IPCEF1: variants seen among roughly 807,000 people sequenced by gnomAD.
The protein encoded by IPCEF1 is interactor protein for cytohesin exchange factors 1.
IPCEF1 carries 31 observed loss-of-function variants against 50.9 expected under a neutral mutation model. That is an observed-to-expected ratio of 0.61 (90% CI 0.46 to 0.82). The LOEUF is 0.82. Among genes scored for constraint, IPCEF1 ranks in the 40% least tolerant of loss-of-function variants. IPCEF1 has a pLI of 0.00. For missense variants in IPCEF1, 458 were observed against 514.0 expected (o/e 0.89, Z 1.05); for synonymous variants, 181 against 192.0 (o/e 0.94, Z 0.47).
chr6:154,180,410 A>T (rs1223387393), intron 10 of IPCEF1, among the ~76,000 whole-genome samples: 2,269 of 40,376 alleles, frequency 0.056, 33 homozygotes, highest in African/African-American at 0.15. Context: ...ATATATATAT[A>T]TATATTTTTT....
At chr6:154,261,529 C>A (rs1781601356) in intron 3 of IPCEF1, among the ~76,000 whole-genome samples, 1 of 152,164 alleles carries the variant, frequency 6.6e-6, no homozygotes, top group African/African-American at 2.4e-5. Flanking sequence ...ATTTAAGAGA[C>A]TGAACCGATA....
At position 154,336,355 on chromosome 6, in the gene IPCEF1, A is replaced by T. The variant is rs141722147; in HGVS notation, c.-62+20317T>A. On this transcript the variant is annotated intron_variant, in intron 1 of 11. Transcript: ENST00000367220. Reference sequence around the variant, plus strand: ...TTTGGCCATAAAAAAGAATGAAATCATGTCATTTGCAGCAATATGGATGGA... The same window carrying T: ...TTTGGCCATAAAAAAGAATGAAATCTTGTCATTTGCAGCAATATGGATGGA... 5.6e-3 allele frequency among the ~76,000 whole-genome samples: 854 copies of T among 152,328 alleles called. 5 individuals carry two copies. The highest frequency in any genetic ancestry group is 0.02 in the African/African-American group (815 of 41,570).
At chr6:154,275,063 C>T (rs992620921) in intron 2 of IPCEF1, among the ~76,000 whole-genome samples, 37 of 152,324 alleles carry the variant, frequency 2.4e-4, no homozygotes, top group African/African-American at 8.7e-4. Context: ...TAAACACACA[C>T]ACCCTAGTGG....
chr6:154,222,560 C>G (rs1173265290), intron 6 of IPCEF1, among the ~76,000 whole-genome samples: 1 of 152,120 alleles, frequency 6.6e-6, no homozygotes, highest in Non-Finnish European at 1.5e-5. Context: ...CTATAGATAC[C>G]TGGGTTTACA....
intron 2 of IPCEF1, among the ~76,000 whole-genome samples, chr6:154,288,084 T>C (rs1231352313): frequency 6.6e-6 from 1 of 152,148 alleles, no homozygotes; most frequent in East Asian, 1.9e-4. Context: ...TGTATGTCCA[T>C]GAGTTGGACA....
rs373281207 is a variant in IPCEF1, at chr6:154,246,697, C to T, written c.140G>A (p.Gly47Glu). The T allele has an allele frequency of 1.9e-6, 3 of 1,613,894 alleles. No individual in the cohort carries two copies. Among genetic ancestry groups the T allele is most frequent in the Admixed American group, 1.7e-5 (1 of 59,980 alleles). The change falls in exon 5 of 12, where the codon GGG becomes GAG. Residue 47 changes from glycine to glutamate, a missense_variant. By Grantham distance (98) the Gly-to-Glu change is moderately conservative (BLOSUM62 -2). Coordinates refer to ENST00000367220, the MANE Select transcript of IPCEF1 (RefSeq NM_001130700.2). Reference protein sequence around the residue: ...CKDLGHADCQGWLYKKKEKGS... With the variant: ...CKDLGHADCQEWLYKKKEKGS... ...CTTTTCCTTTTTCTTATACAGCCAC[C>T]CTTGGCAGTCAGCATGGCCCAGATC...
intron 5 of IPCEF1, among the ~76,000 whole-genome samples, chr6:154,234,414 C>A (rs1779956187): frequency 1.3e-5 from 2 of 152,176 alleles, no homozygotes; most frequent in Non-Finnish European, 2.9e-5. Flanking sequence ...TCCTGGATCA[C>A]TTCTCAAGTA....
intron 2 of IPCEF1, among the ~76,000 whole-genome samples, chr6:154,277,650 T>G (rs753144621): frequency 6.6e-6 from 1 of 152,230 alleles, no homozygotes; most frequent in South Asian, 2.1e-4. Flanking sequence ...GTTGTTGTTG[T>G]TGTTCATTAG....
At chr6:154,276,121 T>C (rs1384025124) in intron 2 of IPCEF1, among the ~76,000 whole-genome samples, 2 of 151,018 alleles carry the variant, frequency 1.3e-5, no homozygotes, top group Non-Finnish European at 2.9e-5. Context: ...GAGGTGGAGG[T>C]TGCAGTGAGC....
intron 1 of IPCEF1, among the ~76,000 whole-genome samples, chr6:154,319,012 G>A (rs564209458): frequency 6.6e-6 from 1 of 152,280 alleles, no homozygotes; most frequent in African/African-American, 2.4e-5. Context: ...TGATTCCATA[G>A]TAATTTTTTC....
chr6:154,163,990 T>C (rs1260010707), intron 11 of IPCEF1, among the ~76,000 whole-genome samples: 1 of 152,218 alleles, frequency 6.6e-6, no homozygotes, highest in African/African-American at 2.4e-5. Context: ...TTCTTCTTTC[T>C]GAGTTTTCAA....
rs542211886 is a variant in IPCEF1, at chr6:154,262,871, G to T, written c.36+3041C>A. ...AGCTCCCTGCAACCTCCACCTCCCG[G>T]GTTCAAGCAATTCCCCTGCCTCAGC... is the stretch of plus-strand genomic sequence containing the variant. On this transcript the variant is annotated intron_variant, in intron 3 of 11. Coordinates refer to ENST00000367220, the MANE Select transcript of IPCEF1 (RefSeq NM_001130700.2). Among the ~76,000 whole-genome samples the T allele has an allele frequency of 2.9e-3, 419 of 142,622 alleles. 2 individuals carry two copies. The highest frequency in any genetic ancestry group is 0.011 in the African/African-American group (405 of 38,504). The allele number at this position is 142,622 out of a possible 152,430, so 93.6% of individuals were successfully genotyped here.
At chr6:154,240,739 C>G (rs1006686248) in intron 5 of IPCEF1, among the ~76,000 whole-genome samples, 3 of 152,184 alleles carry the variant, frequency 2.0e-5, no homozygotes, top group Non-Finnish European at 4.4e-5. Context: ...AGTGTGCATG[C>G]AGCTAGAGAT....
At chr6:154,208,654 C>T (rs1777706491) in intron 9 of IPCEF1, among the ~76,000 whole-genome samples, 1 of 152,148 alleles carries the variant, frequency 6.6e-6, no homozygotes, top group African/African-American at 2.4e-5. Context: ...GAAGCATAGA[C>T]CAGGTTATCT....
intron 5 of IPCEF1, among the ~76,000 whole-genome samples, chr6:154,234,581 G>T (rs546694858): frequency 1.3e-5 from 2 of 152,228 alleles, no homozygotes; most frequent in South Asian, 2.1e-4. Context: ...GTCAACCAAG[G>T]ATATGGCTCT....
chr6:154,347,413 C>A (rs1784052213), intron 1 of IPCEF1, among the ~76,000 whole-genome samples: 1 of 152,170 alleles, frequency 6.6e-6, no homozygotes, highest in African/African-American at 2.4e-5. Flanking sequence ...AGAAAGGGAA[C>A]TAGTTAATAA....
intron 5 of IPCEF1, among the ~76,000 whole-genome samples, chr6:154,225,856 C>G (rs570036167): frequency 5.3e-5 from 8 of 152,270 alleles, no homozygotes; most frequent in East Asian, 1.9e-4. Context: ...CTTCCTCCTC[C>G]CATTCATTTC....
At chr6:154,248,362 C>G (rs569255799) in intron 3 of IPCEF1, among the ~76,000 whole-genome samples, 119 of 149,240 alleles carry the variant, frequency 8.0e-4, no homozygotes, top group African/African-American at 2.9e-3. Flanking sequence ...AAAAATTTTG[C>G]TTAAAGAAGT....
At chr6:154,351,260 A>G (rs1784114825) in intron 1 of IPCEF1, among the ~76,000 whole-genome samples, 1 of 152,220 alleles carries the variant, frequency 6.6e-6, no homozygotes, top group Non-Finnish European at 1.5e-5. Flanking sequence ...TATTGTTATG[A>G]AAGAGCAGCA....
Sources: allele counts gnomAD v4.1 joint callset (sites outside exome capture counted in the v4.1 genomes callset), GRCh38; gene constraint gnomAD v4.1.1; transcripts MANE v1.5; gene names NCBI Gene and HGNC (gene_info 2026-07-23, HGNC 2026-07-21).